WDPCP: variants seen among roughly 807,000 people sequenced by gnomAD.
WDPCP encodes WD repeat containing planar cell polarity effector, also known as WD repeat-containing and planar cell polarity effector protein fritz homolog.
In WDPCP, 71 loss-of-function variants were observed where a neutral mutation model predicts 93.1. The observed-to-expected ratio is 0.76, with a 90% CI of 0.63 to 0.93. The LOEUF (loss-of-function observed/expected upper bound fraction) is 0.93, where lower values mean the gene tolerates loss of function less well. Ranked by LOEUF, WDPCP falls within the 40% of genes least tolerant of loss-of-function variation. The pLI, the probability that WDPCP is intolerant of heterozygous loss-of-function variation, is 0.00. For synonymous variants in WDPCP, 315 were observed against 315.0 expected, an observed-to-expected ratio of 1.00 and a Z score of 0.00; for missense variants, 844 against 887.4, an observed-to-expected ratio of 0.95 and a Z score of 0.62.
At chr2:63,556,583 C>T in intron 1 of WDPCP, among the ~76,000 whole-genome samples, 1 of 152,222 alleles carries the variant, frequency 6.6e-6, no homozygotes. Flanking sequence ...TCATCTCAGC[C>T]TCCATCCAGT....
chr2:63,210,817 C>A (rs904294380), intron 14 of WDPCP, among the ~76,000 whole-genome samples: 184 of 152,350 alleles, frequency 1.2e-3, no homozygotes, highest in African/African-American at 4.1e-3. Flanking sequence ...TATTCCATGC[C>A]TGGATTGGCA....
chr2:63,145,794 G>A (rs1044292950), intron 17 of WDPCP, among the ~76,000 whole-genome samples: 3 of 152,162 alleles, frequency 2.0e-5, no homozygotes, highest in African/African-American at 7.2e-5. Context: ...ACATTGCTCT[G>A]GGTAGTATGG....
At chr2:63,273,326 A>G (rs747643539) in intron 13 of WDPCP, among the ~76,000 whole-genome samples, 4 of 152,136 alleles carry the variant, frequency 2.6e-5, no homozygotes, top group Non-Finnish European at 5.9e-5. Flanking sequence ...GGTAGAGCAG[A>G]CACACAATAA....
intron 2 of WDPCP, among the ~76,000 whole-genome samples, chr2:63,750,015 T>C: frequency 6.6e-6 from 1 of 152,126 alleles, no homozygotes; most frequent in Non-Finnish European, 1.5e-5. Context: ...TGAGATGTAT[T>C]CCTCTGACAA....
At chr2:63,683,014 T>C (rs964992069) in intron 2 of WDPCP, among the ~76,000 whole-genome samples, 2 of 152,326 alleles carry the variant, frequency 1.3e-5, no homozygotes, top group South Asian at 2.1e-4. Context: ...CAGTGTTAAA[T>C]TGTCATCAGT....
At chr2:63,198,597 T>C (rs1300216825) in intron 14 of WDPCP, among the ~76,000 whole-genome samples, 1 of 152,192 alleles carries the variant, frequency 6.6e-6, no homozygotes, top group African/African-American at 2.4e-5. Flanking sequence ...GAGTGAGTTA[T>C]CAGGAGATCA....
At chr2:63,503,537 C>G (rs2106025458) in intron 1 of WDPCP, among the ~76,000 whole-genome samples, 1 of 152,022 alleles carries the variant, frequency 6.6e-6, no homozygotes, top group East Asian at 1.9e-4. Flanking sequence ...ACCACCTCCA[C>G]TCAACACAGA....
intron 2 of WDPCP, among the ~76,000 whole-genome samples, chr2:63,733,089 T>C (rs1669584197): frequency 6.6e-6 from 1 of 151,174 alleles, no homozygotes; most frequent in African/African-American, 2.4e-5. Flanking sequence ...GGGTATAAAA[T>C]ATAAGTATGT....
intron 13 of WDPCP, among the ~76,000 whole-genome samples, chr2:63,273,838 C>T (rs1160455897): frequency 6.6e-6 from 1 of 151,872 alleles, no homozygotes; most frequent in Non-Finnish European, 1.5e-5. Flanking sequence ...CACACACACA[C>T]ACACACACAC....
intron 13 of WDPCP, among the ~76,000 whole-genome samples, chr2:63,278,209 C>T (rs190510909): frequency 2.6e-5 from 4 of 152,240 alleles, no homozygotes; most frequent in African/African-American, 9.6e-5. Context: ...ATTCTTTGAA[C>T]TGAATGAGAA....
intron 1 of WDPCP, among the ~76,000 whole-genome samples, chr2:63,549,551 A>G (rs1277408541): frequency 1.3e-5 from 2 of 151,970 alleles, no homozygotes; most frequent in Non-Finnish European, 2.9e-5. Context: ...GGTGGATCAC[A>G]AGGTCAGGAG....
At chr2:63,279,190 C>G (rs1371097035) in intron 13 of WDPCP, among the ~76,000 whole-genome samples, 4 of 152,134 alleles carry the variant, frequency 2.6e-5, no homozygotes, top group African/African-American at 9.7e-5. Flanking sequence ...AAAATGAAAA[C>G]TACAGACAAA....
chr2:63,590,310 G>A (rs1709162057), upstream of WDPCP: 1 of 152,142 alleles, frequency 6.6e-6, no homozygotes, highest in Non-Finnish European at 1.5e-5. Flanking sequence ...GACCCAAAGA[G>A]AATGTGATTT....
At chr2:63,687,138 C>A (rs1404415971) in intron 2 of WDPCP, among the ~76,000 whole-genome samples, 1 of 152,046 alleles carries the variant, frequency 6.6e-6, no homozygotes, top group Non-Finnish European at 1.5e-5. Context: ...TGTTGGGCCA[C>A]ATTGAAAGCC....
At chr2:63,702,784 A>G (rs1395279523) in intron 2 of WDPCP, among the ~76,000 whole-genome samples, 1 of 150,664 alleles carries the variant, frequency 6.6e-6, no homozygotes, top group Non-Finnish European at 1.5e-5. Flanking sequence ...GGTTTGTTAC[A>G]TATGTATACA....
intron 3 of WDPCP, chr2:63,622,954 A>G: frequency 2.5e-6 from 2 of 804,060 alleles, no homozygotes; most frequent in Non-Finnish European, 3.9e-6. Flanking sequence ...TAGCTCAGTC[A>G]CCACCGCACG....
intron 12 of WDPCP, among the ~76,000 whole-genome samples, chr2:63,338,569 A>ATATATAT (rs1356124909): frequency 6.9e-5 from 1 of 14,472 alleles, no homozygotes; most frequent in Non-Finnish European, 9.5e-5. Context: ...AAAAAAAAAA[A>ATATATAT]ATATATATAT....
At chr2:63,487,742 T>C (rs1439865996) in intron 2 of WDPCP, among the ~76,000 whole-genome samples, 2 of 152,072 alleles carry the variant, frequency 1.3e-5, no homozygotes, top group African/African-American at 4.8e-5. Context: ...GAGAAAAAGA[T>C]TAGTAAAGAA....
intron 1 of WDPCP, among the ~76,000 whole-genome samples, chr2:63,503,920 A>C (rs200611024): frequency 6.6e-6 from 1 of 151,732 alleles, no homozygotes; most frequent in Admixed American, 6.6e-5. Flanking sequence ...AAAAAAAAAA[A>C]ACAGAAATCC....
Sources: allele counts gnomAD v4.1 joint callset (sites outside exome capture counted in the v4.1 genomes callset), GRCh38; gene constraint gnomAD v4.1.1; transcripts MANE v1.5; gene names NCBI Gene and HGNC (gene_info 2026-07-23, HGNC 2026-07-21).